Variants in RNF217 observed in about 807,000 individuals in gnomAD.
RNF217 encodes the protein E3 ubiquitin-protein ligase RNF217.
Under a neutral mutation model 57.8 loss-of-function variants are expected in RNF217, and 31 were observed. That is an observed-to-expected ratio of 0.54 (90% CI 0.40 to 0.72). The LOEUF (loss-of-function observed/expected upper bound fraction) is 0.72, where lower values mean the gene tolerates loss of function less well. RNF217 is among the 30% of genes least tolerant of loss of function. RNF217 has a pLI of 0.00. For missense variants in RNF217, 696 were observed against 708.3 expected (o/e 0.98, Z 0.20); for synonymous variants, 313 against 294.0 (o/e 1.06, Z -0.66).
chr6:125,046,682 C>T (rs1378794123), intron 2 of RNF217: 1 of 455,780 alleles, frequency 2.2e-6, no homozygotes, highest in Non-Finnish European at 4.4e-6. Context: ...GGTCATGTTC[C>T]CTTTCTTGAG....
chr6:125,064,310 T>C (rs779960319), intron 3 of RNF217, among the ~76,000 whole-genome samples: 1 of 152,170 alleles, frequency 6.6e-6, no homozygotes, highest in Non-Finnish European at 1.5e-5. Flanking sequence ...GGCACTGTTT[T>C]TATGGTATGC....
chr6:125,035,981 C>A (rs1786596711), intron 1 of RNF217, among the ~76,000 whole-genome samples: 1 of 151,692 alleles, frequency 6.6e-6, no homozygotes, highest in South Asian at 2.1e-4. Context: ...CATAGGTATA[C>A]ATGTGCCATG....
At chr6:125,038,806 T>A (rs940317315) in intron 1 of RNF217, among the ~76,000 whole-genome samples, 1 of 152,098 alleles carries the variant, frequency 6.6e-6, no homozygotes, top group Non-Finnish European at 1.5e-5. Flanking sequence ...ATGAGTTTTT[T>A]TGGGTGTATT....
intron 3 of RNF217, among the ~76,000 whole-genome samples, chr6:125,073,941 G>GAA: frequency 6.6e-6 from 1 of 152,280 alleles, no homozygotes; most frequent in African/African-American, 2.4e-5. Flanking sequence ...TGACACTTGG[G>GAA]AGAGGTAAAG....
intron 1 of RNF217, among the ~76,000 whole-genome samples, chr6:125,012,634 A>T (rs1298523553): frequency 2.0e-5 from 3 of 152,102 alleles, no homozygotes; most frequent in Non-Finnish European, 4.4e-5. Context: ...AATTTTCATG[A>T]ATTTGTTCCT....
At chr6:125,057,917 T>G (rs759710898) in intron 2 of RNF217, 25 bp from the exon 3 acceptor site, 1 of 1,575,432 alleles carries the variant, frequency 6.3e-7, no homozygotes, top group South Asian at 1.2e-5. Flanking sequence ...CCACTAGTAA[T>G]TAATATGATT....
At chr6:125,059,757 C>T (rs1040254667) in intron 3 of RNF217, among the ~76,000 whole-genome samples, 4 of 152,144 alleles carry the variant, frequency 2.6e-5, no homozygotes, top group Admixed American at 2.6e-4. Flanking sequence ...AACAACTTTC[C>T]ACAGTTGTAA....
chr6:125,055,585 T>G (rs528292950), intron 2 of RNF217, among the ~76,000 whole-genome samples: 1 of 152,318 alleles, frequency 6.6e-6, no homozygotes, highest in South Asian at 2.1e-4. Flanking sequence ...ATTTCATAAA[T>G]ATAATCTAAG....
chr6:124,981,881 G>A (rs1028778436), intron 1 of RNF217, among the ~76,000 whole-genome samples: 4 of 151,244 alleles, frequency 2.6e-5, no homozygotes, highest in Non-Finnish European at 4.4e-5. Context: ...AAAAAAATTT[G>A]GCCGGGCGTG....
chr6:125,039,645 G>A (rs118104622), intron 1 of RNF217, among the ~76,000 whole-genome samples: 93 of 152,130 alleles, frequency 6.1e-4, no homozygotes, highest in Non-Finnish European at 1.1e-3. Context: ...CAGAATATAC[G>A]TTTGTCTCAG....
intron 1 of RNF217, among the ~76,000 whole-genome samples, chr6:125,036,135 T>G (rs1429659678): frequency 6.6e-6 from 1 of 152,088 alleles, no homozygotes; most frequent in African/African-American, 2.4e-5. Flanking sequence ...GTCCGTGTGT[T>G]CTAATCGTTC....
chr6:125,050,605 C>T (rs1235375374), intron 2 of RNF217, among the ~76,000 whole-genome samples: 1 of 151,954 alleles, frequency 6.6e-6, no homozygotes, highest in Admixed American at 6.6e-5. Context: ...TACTTTAAAA[C>T]GTGCTTAACC....
At chr6:125,011,091 G>C (rs1440089240) in intron 1 of RNF217, among the ~76,000 whole-genome samples, 1 of 152,076 alleles carries the variant, frequency 6.6e-6, no homozygotes, top group Non-Finnish European at 1.5e-5. Flanking sequence ...AGGGTACCAA[G>C]AATGTTAAGA....
At chr6:125,009,155 T>C in intron 1 of RNF217, 4 of 1,476,012 alleles carry the variant, frequency 2.7e-6, no homozygotes, top group Non-Finnish European at 2.7e-6. Context: ...TGCCATTTTT[T>C]CTCTTCTCAT....
intron 1 of RNF217, among the ~76,000 whole-genome samples, chr6:124,985,212 C>A (rs1382897425): frequency 6.6e-6 from 1 of 152,218 alleles, no homozygotes; most frequent in East Asian, 1.9e-4. Flanking sequence ...CTGTTTGTTC[C>A]CAGAAAAACT....
chr6:125,009,670 T>C (rs1785346136), intron 1 of RNF217, among the ~76,000 whole-genome samples: 1 of 152,070 alleles, frequency 6.6e-6, no homozygotes, highest in African/African-American at 2.4e-5. Flanking sequence ...TTAACCTCTG[T>C]TGTATGATCC....
At chr6:124,998,963 G>T (rs956703475) in intron 1 of RNF217, among the ~76,000 whole-genome samples, 4 of 152,170 alleles carry the variant, frequency 2.6e-5, no homozygotes, top group African/African-American at 9.6e-5. Context: ...TCCTTCAAAA[G>T]TGCCTTTTGT....
chr6:125,054,707 G>A (rs62433879), intron 2 of RNF217, among the ~76,000 whole-genome samples: 34 of 152,274 alleles, frequency 2.2e-4, no homozygotes, highest in Non-Finnish European at 4.6e-4. Flanking sequence ...TGGCCTGGGC[G>A]ATGCAGTCAC....
intron 2 of RNF217, among the ~76,000 whole-genome samples, chr6:125,053,459 A>C (rs1787404180): frequency 6.6e-6 from 1 of 152,108 alleles, no homozygotes; most frequent in South Asian, 2.1e-4. Context: ...ATCAGCTCTT[A>C]TATTTGCAGT....
Sources: allele counts gnomAD v4.1 joint callset (sites outside exome capture counted in the v4.1 genomes callset), GRCh38; gene constraint gnomAD v4.1.1; transcripts MANE v1.5; gene names NCBI Gene and HGNC (gene_info 2026-07-23, HGNC 2026-07-21).